AFG1L: variants seen among roughly 807,000 people sequenced by gnomAD.
AFG1L encodes the protein AFG1-like ATPase.
In AFG1L, 53 loss-of-function variants were observed where a neutral mutation model predicts 62.2. That is an observed-to-expected ratio of 0.85 (90% CI 0.68 to 1.07). The LOEUF (loss-of-function observed/expected upper bound fraction) is 1.07, where lower values mean the gene tolerates loss of function less well. Ranked by LOEUF, AFG1L falls within the 50% of genes least tolerant of loss-of-function variation. The pLI is 0.00. For synonymous variants in AFG1L, 228 were observed against 210.3 expected (o/e 1.08, Z -0.73); for missense variants, 555 against 590.5 (o/e 0.94, Z 0.62).
chr6:108,465,900 T>C lies in AFG1L; in HGVS notation c.891-10965T>C, dbSNP rs562553217. Among the ~76,000 whole-genome samples the C allele has an allele frequency of 7.2e-5, 11 of 152,216 alleles. No individual in the cohort carries two copies. In the South Asian group the frequency reaches 2.3e-3, roughly 32 times the overall value. ...AACACTTTAAAACATAGTGACACTT[T>C]TTTAAAGTGTCACTATGTTGCCCAG... On this transcript the variant is annotated intron_variant, in intron 8 of 12. Coordinates refer to ENST00000368977, the MANE Select transcript of AFG1L (RefSeq NM_145315.5).
chr6:108,371,849 T>C (rs1458841046), intron 6 of AFG1L, among the ~76,000 whole-genome samples: 1 of 152,064 alleles, frequency 6.6e-6, no homozygotes, highest in East Asian at 1.9e-4. Context: ...TTTGAATGCG[T>C]GGGCTCAAAC....
At chr6:108,450,362 G>T (rs1214726094) in intron 8 of AFG1L, among the ~76,000 whole-genome samples, 2 of 152,262 alleles carry the variant, frequency 1.3e-5, no homozygotes, top group Non-Finnish European at 2.9e-5. Flanking sequence ...GTGATGATGA[G>T]CATTTTTTCA....
chr6:108,307,427 T>C (rs561431444), intron 1 of AFG1L, among the ~76,000 whole-genome samples: 139 of 129,174 alleles, frequency 1.1e-3, no homozygotes, highest in Non-Finnish European at 1.8e-3. Context: ...TTTTTTTTTT[T>C]GGAAACAGGG....
intron 1 of AFG1L, among the ~76,000 whole-genome samples, chr6:108,318,700 C>A (rs1282065154): frequency 3.3e-5 from 5 of 152,150 alleles, no homozygotes; most frequent in Non-Finnish European, 7.3e-5. Flanking sequence ...AAATAAGGTA[C>A]AAAATTGAAG....
intron 6 of AFG1L, among the ~76,000 whole-genome samples, chr6:108,390,913 A>T (rs1296432971): frequency 6.6e-6 from 1 of 151,984 alleles, no homozygotes; most frequent in African/African-American, 2.4e-5. Context: ...TGCAGAAATC[A>T]CCCGTCTTCT....
At chr6:108,364,897 A>C in intron 5 of AFG1L, among the ~76,000 whole-genome samples, 1 of 144,204 alleles carries the variant, frequency 6.9e-6, no homozygotes, top group East Asian at 2.0e-4. Context: ...GTACATCTCT[A>C]TTTCATGGTT....
chr6:108,520,099 GA>G (rs1775066261), intron 12 of AFG1L: 3 of 246,664 alleles, frequency 1.2e-5, no homozygotes, highest in South Asian at 1.1e-4. Context: ...TCACACTGCT[GA>G]ATAATGGCAG....
At chr6:108,440,450 T>G (rs1562162865) in intron 7 of AFG1L, among the ~76,000 whole-genome samples, 2 of 152,142 alleles carry the variant, frequency 1.3e-5, no homozygotes. Flanking sequence ...ATTACAGGCG[T>G]GAGCCACAGC....
intron 8 of AFG1L, among the ~76,000 whole-genome samples, chr6:108,449,113 A>G (rs1279158128): frequency 1.3e-5 from 2 of 151,756 alleles, no homozygotes; most frequent in Non-Finnish European, 2.9e-5. Flanking sequence ...ATACCACTGT[A>G]CTTCAGCCTG....
intron 11 of AFG1L, among the ~76,000 whole-genome samples, chr6:108,518,687 G>T (rs1046771749): frequency 6.6e-6 from 1 of 152,108 alleles, no homozygotes; most frequent in African/African-American, 2.4e-5. Flanking sequence ...TTAAACTAGT[G>T]GATATAAAAA....
Position 108,316,620 on chromosome 6 carries a change from G to A in AFG1L, c.140-7205G>A, listed in dbSNP as rs1311565728. 4.2e-5 allele frequency among the ~76,000 whole-genome samples: 6 copies of A among 144,242 alleles called. No homozygotes were observed. The South Asian group carries it at 1.1e-3, about 27-fold the overall frequency. 94.6% of individuals were successfully genotyped at this position (144,242 alleles called of 152,430 possible). ...GCGATCTCGGCTCACTGCAAGCTCC[G>A]CCTCCCAGGTTCACGCCCTTCTCCT... On this transcript the variant is annotated intron_variant, in intron 1 of 12. Coordinates refer to ENST00000368977, the MANE Select transcript of AFG1L (RefSeq NM_145315.5).
At chr6:108,443,316 A>G (rs546540434) in intron 7 of AFG1L, among the ~76,000 whole-genome samples, 15 of 152,258 alleles carry the variant, frequency 9.9e-5, no homozygotes, top group Non-Finnish European at 1.3e-4. Flanking sequence ...GCCTCCAGGC[A>G]ATTAAATGCT....
intron 6 of AFG1L, among the ~76,000 whole-genome samples, chr6:108,371,619 C>G (rs1394225858): frequency 6.6e-6 from 1 of 152,004 alleles, no homozygotes; most frequent in South Asian, 2.1e-4. Context: ...CCCACCTTAG[C>G]CTCCCAAAAT....
intron 3 of AFG1L, among the ~76,000 whole-genome samples, chr6:108,350,950 A>G (rs188199473): frequency 6.6e-6 from 1 of 152,336 alleles, no homozygotes; most frequent in African/African-American, 2.4e-5. Flanking sequence ...TATAGAACCT[A>G]TTCCTCCTGT....
rs1188752721 is a variant in AFG1L, at chr6:108,372,332, CT to C, written c.748+6015del. ...GTCAATTACCAGAGCCAAACTTGTT[CT>C]TTTTTTTTTTTTTTGAGACAGAGTC... On this transcript the variant is annotated intron_variant, in intron 6 of 12. Transcript: ENST00000368977. Among the ~76,000 whole-genome samples, 1,216 of 136,034 alleles carry C rather than the reference CT, an allele frequency of 8.9e-3. 7 individuals carry two copies. Among genetic ancestry groups the C allele is most frequent in the Non-Finnish European group, 0.014 (887 of 62,118 alleles). 89.2% of individuals were successfully genotyped at this position (136,034 alleles called of 152,430 possible).
At chr6:108,358,082 G>C (rs1307056709) in intron 5 of AFG1L, among the ~76,000 whole-genome samples, 2 of 152,216 alleles carry the variant, frequency 1.3e-5, no homozygotes, top group Non-Finnish European at 2.9e-5. Context: ...CTGCCGCTCT[G>C]AAGAGGCATA....
chr6:108,525,720 G>A lies in AFG1L; in HGVS notation c.*3295G>A, dbSNP rs937963432. On this transcript the variant is annotated 3_prime_UTR_variant, in exon 13 of 13. Coordinates refer to ENST00000368977, the MANE Select transcript of AFG1L (RefSeq NM_145315.5). Reference sequence around the variant, plus strand: ...CAGGGAAGCTGAGACACAGAAAACAGCTAAAACAGATTAATGAATTGCTAA... The same window carrying A: ...CAGGGAAGCTGAGACACAGAAAACAACTAAAACAGATTAATGAATTGCTAA... 1 of 152,220 alleles carries A rather than the reference G, an allele frequency of 6.6e-6. No homozygotes were observed. The highest frequency in any genetic ancestry group is 2.4e-5 in the African/African-American group (1 of 41,468). The allele number at this position is 152,220 out of a possible 1,614,324, so 9.4% of individuals were successfully genotyped here.
At chr6:108,330,067 G>A (rs1236714320) in intron 2 of AFG1L, among the ~76,000 whole-genome samples, 4 of 152,158 alleles carry the variant, frequency 2.6e-5, no homozygotes, top group Non-Finnish European at 5.9e-5. Context: ...TGATGCCCCT[G>A]TGTCATCTGG....
chr6:108,296,974 A>C (rs1391645942), intron 1 of AFG1L, among the ~76,000 whole-genome samples: 1 of 152,178 alleles, frequency 6.6e-6, no homozygotes, highest in Non-Finnish European at 1.5e-5. Flanking sequence ...CTATTAATCT[A>C]TACTCACACT....
Sources: allele counts gnomAD v4.1 joint callset (sites outside exome capture counted in the v4.1 genomes callset), GRCh38; gene constraint gnomAD v4.1.1; transcripts MANE v1.5; gene names NCBI Gene and HGNC (gene_info 2026-07-23, HGNC 2026-07-21).